The following HEXB variants were observed in gnomAD, a reference collection of about 807,000 sequenced individuals.
The protein encoded by HEXB is beta-hexosaminidase subunit beta.
In HEXB, 51 loss-of-function variants were observed where a neutral mutation model predicts 71.2. That is an observed-to-expected ratio of 0.72 (90% confidence interval 0.57 to 0.90). The LOEUF is 0.90. Among genes scored for constraint, HEXB ranks in the 40% least tolerant of loss-of-function variants. The probability of loss-of-function intolerance (pLI) is 0.00; values close to 1 mark genes in which losing one functional copy is unlikely to be tolerated. For synonymous variants in HEXB, 266 were observed against 249.3 expected (o/e 1.07, Z -0.63); for missense variants, 617 against 677.0 (o/e 0.91, Z 0.98).
At chr5:74,699,125 A>G (rs1271616146) in intron 5 of HEXB, among the ~76,000 whole-genome samples, 2 of 152,146 alleles carry the variant, frequency 1.3e-5, no homozygotes, top group African/African-American at 4.8e-5. Flanking sequence ...GGGAGGTTGG[A>G]GTGAGCCAAG....
At chr5:74,701,665 T>C (rs1201099929) in intron 5 of HEXB, among the ~76,000 whole-genome samples, 1 of 152,028 alleles carries the variant, frequency 6.6e-6, no homozygotes, top group Non-Finnish European at 1.5e-5. Context: ...GGAAAAGTTG[T>C]AAATAGTGTG....
In HEXB at chr5:74,716,577, T is replaced by C; in HGVS notation, c.1083-10T>C. On this transcript the variant is annotated splice_polypyrimidine_tract_variant and intron_variant, in intron 8 of 13. Transcript: ENST00000261416. The stretch of plus-strand genomic sequence containing the variant: ...ACTTCTAATGAAATTTTAATCACTT[T>C]TTGCTTCAGGGAATCAAATCCAAAA... The C allele has an allele frequency of 6.4e-7, 1 of 1,573,604 alleles. No individual in the cohort carries two copies. Among genetic ancestry groups the C allele is most frequent in the Non-Finnish European group, 8.7e-7 (1 of 1,146,078 alleles).
intron 6 of HEXB, among the ~76,000 whole-genome samples, chr5:74,708,738 C>T (rs1276675600): frequency 6.6e-6 from 1 of 150,936 alleles, no homozygotes; most frequent in Non-Finnish European, 1.5e-5. Context: ...ACAAGAAGAG[C>T]TAACTATCCT....
At chr5:74,677,893 G>A (rs191317114) in intron 1 of HEXB, among the ~76,000 whole-genome samples, 77 of 148,774 alleles carry the variant, frequency 5.2e-4, no homozygotes, top group Non-Finnish European at 9.0e-4. Context: ...CCATTATATC[G>A]CTCTGTATGT....
At chr5:74,714,601 G>A (rs555045422) in intron 7 of HEXB, among the ~76,000 whole-genome samples, 1 of 152,322 alleles carries the variant, frequency 6.6e-6, no homozygotes, top group East Asian at 1.9e-4. Context: ...GACAGCTTGG[G>A]TTTGAATCTT....
At chr5:74,696,815 A>T (rs1169345964) in intron 4 of HEXB, 76 bp downstream of exon 4, 1 of 825,312 alleles carries the variant, frequency 1.2e-6, no homozygotes, top group Non-Finnish European at 2.1e-6. Flanking sequence ...CTGTTTAGCT[A>T]TTGCTTCCTG....
chr5:74,718,789 G>A lies in HEXB; in HGVS notation c.1243-8G>A, dbSNP rs776913614. ...AATAATATGTATTGCAATTTGTAACGTTAATAGCTTGCGCCGGGCACAATA... is the reference window on the plus strand; with the variant it reads ...AATAATATGTATTGCAATTTGTAACATTAATAGCTTGCGCCGGGCACAATA... On this transcript the variant is annotated splice_polypyrimidine_tract_variant and splice_region_variant and intron_variant, in intron 10 of 13. Transcript: ENST00000261416. 27 of 1,613,646 alleles carry A rather than the reference G, an allele frequency of 1.7e-5. No homozygotes were observed. Among genetic ancestry groups the A allele is most frequent in the Admixed American group, 1.7e-4 (10 of 59,984 alleles).
At chr5:74,691,058 A>G (rs754412584) in intron 2 of HEXB, among the ~76,000 whole-genome samples, 1 of 152,210 alleles carries the variant, frequency 6.6e-6, no homozygotes, top group Non-Finnish European at 1.5e-5. Context: ...GAGACTAGAG[A>G]GTCATAGCTT....
chr5:74,651,703 C>T (rs956413626), intron 1 of HEXB, among the ~76,000 whole-genome samples: 4 of 152,204 alleles, frequency 2.6e-5, no homozygotes, highest in Admixed American at 6.5e-5. Flanking sequence ...TCTTTTGAAG[C>T]ATGAACCTTT....
intron 1 of HEXB, among the ~76,000 whole-genome samples, chr5:74,655,397 C>T (rs1748199803): frequency 6.6e-6 from 1 of 150,524 alleles, no homozygotes; most frequent in South Asian, 2.1e-4. Flanking sequence ...ACTGCAACCT[C>T]CATATACCAG....
chr5:74,666,629 G>A (rs1202759559), intron 1 of HEXB, among the ~76,000 whole-genome samples: 1 of 152,218 alleles, frequency 6.6e-6, no homozygotes, highest in African/African-American at 2.4e-5. Flanking sequence ...ACACTGCAGA[G>A]CAGCAGCCTT....
intron 1 of HEXB, among the ~76,000 whole-genome samples, chr5:74,666,982 G>C (rs1042188987): frequency 1.3e-5 from 2 of 152,160 alleles, no homozygotes; most frequent in Non-Finnish European, 2.9e-5. Context: ...TTTTGTAAAT[G>C]CTGGTAGCCT....
chr5:74,662,721 A>G (rs1299564470), intron 1 of HEXB, among the ~76,000 whole-genome samples: 4 of 152,218 alleles, frequency 2.6e-5, no homozygotes, highest in South Asian at 2.1e-4. Context: ...GGTAAAAATC[A>G]TATTTTATTA....
At chr5:74,654,840 T>G (rs1748187310) in intron 1 of HEXB, among the ~76,000 whole-genome samples, 1 of 151,956 alleles carries the variant, frequency 6.6e-6, no homozygotes, top group Non-Finnish European at 1.5e-5. Flanking sequence ...ATGTGGGCAA[T>G]GATGAGGGGC....
chr5:74,661,452 A>G (rs2112088713), intron 1 of HEXB, among the ~76,000 whole-genome samples: 2 of 151,024 alleles, frequency 1.3e-5, no homozygotes, highest in South Asian at 4.2e-4. Context: ...TTGTTTTAGG[A>G]CCTTTTGATT....
chr5:74,704,051 T>C (rs1480220538), intron 5 of HEXB, among the ~76,000 whole-genome samples: 1 of 152,148 alleles, frequency 6.6e-6, no homozygotes, highest in Non-Finnish European at 1.5e-5. Flanking sequence ...AATTGCAGAG[T>C]GGAGTAGGTG....
At chr5:74,708,844 G>A (rs911992556) in intron 6 of HEXB, among the ~76,000 whole-genome samples, 16 of 152,000 alleles carry the variant, frequency 1.1e-4, no homozygotes, top group South Asian at 6.3e-4. Context: ...TTAATAATGG[G>A]AGACTTTAAC....
intron 11 of HEXB, 181 bp from the exon 12 acceptor site, chr5:74,720,247 G>T: frequency 1.6e-6 from 1 of 627,030 alleles, no homozygotes; most frequent in Non-Finnish European, 2.9e-6. Context: ...TTTTTGGGGG[G>T]TGGGGGAAGA....
At chr5:74,709,608 TCAC>T (rs1749489397) in intron 6 of HEXB, among the ~76,000 whole-genome samples, 1 of 152,112 alleles carries the variant, frequency 6.6e-6, no homozygotes, top group Admixed American at 6.5e-5. Flanking sequence ...AAAGGGGATA[TCAC>T]CACCAATCCC....
Sources: gnomAD v4.1 joint callset for allele counts (sites outside exome capture counted in the v4.1 genomes callset) on GRCh38, gnomAD v4.1.1 for gene constraint, MANE v1.5 for transcripts, NCBI Gene and HGNC (gene_info 2026-07-23, HGNC 2026-07-21) for gene names.